Variants in RGS8 observed in about 807,000 individuals in gnomAD.
The protein encoded by RGS8 is regulator of G-protein signaling 8.
RGS8 carries 8 observed loss-of-function variants against 21.7 expected under a neutral mutation model. That is an observed-to-expected ratio of 0.37 (90% CI 0.22 to 0.66). The LOEUF (loss-of-function observed/expected upper bound fraction) is 0.66, where lower values mean the gene tolerates loss of function less well. RGS8 is among the 30% of genes least tolerant of loss of function. RGS8 has a pLI of 0.59. For synonymous variants in RGS8, 80 were observed against 83.6 expected (o/e 0.96, Z 0.24); for missense variants, 157 against 217.9 (o/e 0.72, Z 1.76).
At chr1:182,743,994 T>C in the RGS8 span, among the ~76,000 whole-genome samples, 1 of 152,230 alleles carries the variant, frequency 6.6e-6, no homozygotes, top group Admixed American at 6.5e-5. Context: ...ACATGTTTGT[T>C]ATCTGACTCT....
chr1:182,666,887 G>T (rs1357457656), exon 4 of RGS8: 1 of 1,613,892 alleles, frequency 6.2e-7, no homozygotes, highest in African/African-American at 1.3e-5. Context: ...AGCGCGGTTG[G>T]GTTTGTCTGG....
exon 1 of RGS8, chr1:182,671,851 C>A: frequency 1.9e-6 from 3 of 1,544,550 alleles, no homozygotes; most frequent in South Asian, 1.2e-5. Context: ...CAACACACCT[C>A]CCACCACTTG....
At chr1:182,670,403 C>T (rs1241109831) in intron 2 of RGS8, among the ~76,000 whole-genome samples, 3 of 152,184 alleles carry the variant, frequency 2.0e-5, no homozygotes, top group Non-Finnish European at 4.4e-5. Flanking sequence ...TGACGCGAAG[C>T]AGGAAGGACA....
At chr1:182,665,836 G>C (rs1663829687) in intron 5 of RGS8, 133 bp downstream of exon 6, 1 of 642,902 alleles carries the variant, frequency 1.6e-6, no homozygotes, top group Non-Finnish European at 2.8e-6. Flanking sequence ...TAGGCAGGAG[G>C]CTCTGTGAGA....
exon 2 of RGS8, chr1:182,671,726 G>A: frequency 6.2e-7 from 1 of 1,614,166 alleles, no homozygotes; most frequent in Non-Finnish European, 8.5e-7. Context: ...TCGGGTTAAG[G>A]TGTTCTGGGG....
the RGS8 span, among the ~76,000 whole-genome samples, chr1:182,722,363 C>CAA: frequency 0.03 from 2,388 of 79,234 alleles, 26 homozygotes; most frequent in Non-Finnish European, 0.044. Context: ...AGCAAATTAC[C>CAA]AAAAAAAAAA....
chr1:182,712,022 C>T, the RGS8 span, among the ~76,000 whole-genome samples: 2 of 152,106 alleles, frequency 1.3e-5, no homozygotes, highest in Non-Finnish European at 2.9e-5. Flanking sequence ...TGTCAGGAAC[C>T]CTATAAGTAA....
chr1:182,692,593 T>TG, the RGS8 span, among the ~76,000 whole-genome samples: 1 of 146,164 alleles, frequency 6.8e-6, no homozygotes, highest in Non-Finnish European at 1.5e-5. Context: ...AAACTACCAA[T>TG]GATATTTTTC....
chr1:182,741,214 C>G, the RGS8 span, among the ~76,000 whole-genome samples: 1 of 130,582 alleles, frequency 7.7e-6, no homozygotes, highest in South Asian at 2.6e-4. Context: ...CTGGACGGGG[C>G]GGCTGGCCGG....
At chr1:182,669,123 CA>C (rs1664026233) in intron 3 of RGS8, among the ~76,000 whole-genome samples, 1 of 152,208 alleles carries the variant, frequency 6.6e-6, no homozygotes. Context: ...AAATCTTCAA[CA>C]AAATATTCTT....
chr1:182,732,895 A>G, the RGS8 span, among the ~76,000 whole-genome samples: 15 of 152,212 alleles, frequency 9.9e-5, no homozygotes, highest in African/African-American at 3.6e-4. Flanking sequence ...GGTAGAGTCC[A>G]GGCTAGCCAG....
At chr1:182,743,965 T>C in the RGS8 span, among the ~76,000 whole-genome samples, 8 of 152,228 alleles carry the variant, frequency 5.3e-5, no homozygotes, top group African/African-American at 1.7e-4. Flanking sequence ...CCTGAAACTA[T>C]GTTTTTATAT....
chr1:182,661,117 T>C (rs886383742), intron 5 of RGS8, among the ~76,000 whole-genome samples: 1 of 151,668 alleles, frequency 6.6e-6, no homozygotes, highest in African/African-American at 2.4e-5. Flanking sequence ...GCTTGGTTGC[T>C]GTGTGACCAG....
the RGS8 span, among the ~76,000 whole-genome samples, chr1:182,741,903 G>C: frequency 6.9e-6 from 1 of 144,588 alleles, no homozygotes; most frequent in Non-Finnish European, 1.6e-5. Flanking sequence ...CTCCCTCCCG[G>C]AGGAGGTGGC....
At chr1:182,669,482 A>C (rs1664043370) in intron 3 of RGS8, 142 bp downstream of exon 4, 2 of 1,232,742 alleles carry the variant, frequency 1.6e-6, no homozygotes, top group Admixed American at 3.6e-5. Context: ...TGCAGTTCAC[A>C]CAGGAGGCCT....
intron 4 of RGS8, 36 bp downstream of exon 5, chr1:182,666,836 A>C (rs768780913): frequency 6.7e-7 from 1 of 1,492,258 alleles, no homozygotes; most frequent in Non-Finnish European, 9.4e-7. Context: ...GACTTGCTGT[A>C]TTACCCAGGG....
chr1:182,673,194 G>A (rs770460072), upstream of RGS8, among the ~76,000 whole-genome samples: 6 of 152,198 alleles, frequency 3.9e-5, no homozygotes, highest in East Asian at 3.8e-4. Context: ...GAGAAATCTC[G>A]ACAGAAAGTG....
chr1:182,686,980 A>C (rs145585581), upstream of RGS8, among the ~76,000 whole-genome samples: 1 of 152,302 alleles, frequency 6.6e-6, no homozygotes, highest in Non-Finnish European at 1.5e-5. Context: ...AGAAGAGTCA[A>C]ATACGGCAGA....
chr1:182,701,581 A>G, the RGS8 span, among the ~76,000 whole-genome samples: 1 of 152,344 alleles, frequency 6.6e-6, no homozygotes. Context: ...GGTAGGCACT[A>G]CTGGGAGAAG....
Sources: allele counts gnomAD v4.1 joint callset (sites outside exome capture counted in the v4.1 genomes callset), GRCh38; gene constraint gnomAD v4.1.1; transcripts MANE v1.5; gene names NCBI Gene and HGNC (gene_info 2026-07-23, HGNC 2026-07-21).